The following ZFAT variants were observed in gnomAD, a reference collection of about 807,000 sequenced individuals.
ZFAT encodes zinc finger protein ZFAT.
In ZFAT, 64 loss-of-function variants were observed where a neutral mutation model predicts 117.7. That is an observed-to-expected ratio of 0.54 (90% CI 0.44 to 0.67). ZFAT has a LOEUF of 0.67. ZFAT is among the 30% of genes least tolerant of loss of function. The pLI, the probability that ZFAT is intolerant of heterozygous loss-of-function variation, is 0.00. For synonymous variants in ZFAT, 679 were observed against 615.0 expected (o/e 1.10, Z -1.54); for missense variants, 1,433 against 1,584.5 (o/e 0.90, Z 1.62).
At chr8:134,490,848 T>A (rs1458683151) in intron 15 of ZFAT, among the ~76,000 whole-genome samples, 1 of 152,104 alleles carries the variant, frequency 6.6e-6, no homozygotes, top group African/African-American at 2.4e-5. Context: ...CATCCCTCCC[T>A]CAGAGGGTCT....
intron 13 of ZFAT, among the ~76,000 whole-genome samples, chr8:134,515,177 T>G (rs1820163836): frequency 6.6e-6 from 1 of 152,230 alleles, no homozygotes; most frequent in South Asian, 2.1e-4. Context: ...ATGGTGTATG[T>G]GTACTGAATT....
the ZFAT span, among the ~76,000 whole-genome samples, chr8:134,781,803 AC>A: frequency 1.3e-5 from 2 of 152,136 alleles, no homozygotes; most frequent in Non-Finnish European, 2.9e-5. Flanking sequence ...GAGGATGAAG[AC>A]CTTTATGATG....
chr8:134,633,339 C>T (rs546901726), intron 3 of ZFAT, among the ~76,000 whole-genome samples: 72 of 152,110 alleles, frequency 4.7e-4, no homozygotes, highest in Admixed American at 1.0e-3. Flanking sequence ...AAAAACAGCT[C>T]GTTAAATAAC....
chr8:134,703,233 C>T (rs1483877832), intron 1 of ZFAT, among the ~76,000 whole-genome samples: 1 of 152,172 alleles, frequency 6.6e-6, no homozygotes, highest in East Asian at 1.9e-4. Context: ...TTTTAATTTG[C>T]ATTTTCCTAG....
chr8:134,638,128 C>A (rs1404477734), intron 2 of ZFAT, among the ~76,000 whole-genome samples: 2 of 152,214 alleles, frequency 1.3e-5, no homozygotes, highest in South Asian at 2.1e-4. Flanking sequence ...TTGTCATGCC[C>A]TTAATGAGTT....
chr8:134,804,816 T>G, the ZFAT span: 1 of 517,708 alleles, frequency 1.9e-6, no homozygotes, highest in East Asian at 5.6e-5. Flanking sequence ...ACACATTTTA[T>G]AGCCTCCTCA....
chr8:134,658,270 A>G (rs1481905733), intron 1 of ZFAT, among the ~76,000 whole-genome samples: 1 of 148,648 alleles, frequency 6.7e-6, no homozygotes, highest in African/African-American at 2.5e-5. Context: ...CCGGGAGGTG[A>G]AGCTTGCAGT....
At chr8:134,626,494 C>A (rs189237570) in intron 3 of ZFAT, among the ~76,000 whole-genome samples, 1 of 152,346 alleles carries the variant, frequency 6.6e-6, no homozygotes, top group Non-Finnish European at 1.5e-5. Context: ...GACACAGTGC[C>A]CCACACAGCA....
intron 10 of ZFAT, among the ~76,000 whole-genome samples, chr8:134,581,651 T>C (rs1301544934): frequency 1.3e-5 from 2 of 152,132 alleles, no homozygotes; most frequent in Non-Finnish European, 2.9e-5. Context: ...AGTGGTGCGA[T>C]CTTGGCTCAC....
chr8:134,639,074 T>A (rs1269735322), intron 2 of ZFAT, among the ~76,000 whole-genome samples: 1 of 152,230 alleles, frequency 6.6e-6, no homozygotes, highest in Admixed American at 6.5e-5. Context: ...CCAGCCACTT[T>A]ATCTACTGCT....
intron 1 of ZFAT, among the ~76,000 whole-genome samples, chr8:134,677,973 A>T (rs909689511): frequency 2.0e-5 from 3 of 152,234 alleles, no homozygotes; most frequent in African/African-American, 7.2e-5. Context: ...TATTTATGAC[A>T]AACCCACAGC....
chr8:134,534,036 G>C (rs1345586094), intron 11 of ZFAT, among the ~76,000 whole-genome samples: 4 of 152,196 alleles, frequency 2.6e-5, no homozygotes, highest in African/African-American at 7.2e-5. Context: ...AGCCACAATG[G>C]AAGCAGCACT....
chr8:134,738,147 A>G, the ZFAT span, among the ~76,000 whole-genome samples: 1 of 152,126 alleles, frequency 6.6e-6, no homozygotes, highest in Non-Finnish European at 1.5e-5. Flanking sequence ...GTGTTGATGC[A>G]CATAAAATGA....
intron 1 of ZFAT, among the ~76,000 whole-genome samples, chr8:134,692,837 T>C (rs1001656204): frequency 6.6e-6 from 1 of 152,238 alleles, no homozygotes; most frequent in African/African-American, 2.4e-5. Context: ...GTTTCCTGAT[T>C]CTGAAACTAT....
In ZFAT at chr8:134,687,553, A is replaced by G. The variant is rs545505943; in HGVS notation, c.19+25292T>C. On this transcript the variant is annotated intron_variant, in intron 1 of 15. Coordinates refer to ENST00000377838, the MANE Select transcript of ZFAT (RefSeq NM_020863.4). ...TCAGGAAAGCACCACAAATCATTTTACATAAACAGGAACAGCCCCCCACCC... is the reference window on the plus strand; with the variant it reads ...TCAGGAAAGCACCACAAATCATTTTGCATAAACAGGAACAGCCCCCCACCC... Among the ~76,000 whole-genome samples the G allele has an allele frequency of 2.0e-5, 3 of 152,302 alleles. No individual in the cohort carries two copies. In the South Asian group the frequency reaches 6.2e-4, roughly 32 times the overall value.
intron 1 of ZFAT, among the ~76,000 whole-genome samples, chr8:134,665,415 T>A (rs2131237504): frequency 6.6e-6 from 1 of 152,282 alleles, no homozygotes; most frequent in East Asian, 1.9e-4. Flanking sequence ...CACAGAATGC[T>A]CTGTTACCCC....
the ZFAT span, among the ~76,000 whole-genome samples, chr8:134,809,014 G>A: frequency 5.3e-4 from 81 of 152,290 alleles, 1 homozygote; most frequent in African/African-American, 1.8e-3. Context: ...ACAGGAGCAC[G>A]TCTCTTCTTG....
chr8:134,584,888 C>T (rs528381683), intron 9 of ZFAT, among the ~76,000 whole-genome samples: 1 of 152,292 alleles, frequency 6.6e-6, no homozygotes, highest in African/African-American at 2.4e-5. Context: ...ATCTACACTA[C>T]CTATGACTTT....
chr8:134,502,520 C>T (rs1276682695), intron 15 of ZFAT, among the ~76,000 whole-genome samples: 1 of 152,214 alleles, frequency 6.6e-6, no homozygotes, highest in Non-Finnish European at 1.5e-5. Flanking sequence ...CCAGCAAGAA[C>T]TGCTACTTAA....
Sources: gnomAD v4.1 joint callset for allele counts (sites outside exome capture counted in the v4.1 genomes callset) on GRCh38, gnomAD v4.1.1 for gene constraint, MANE v1.5 for transcripts, NCBI Gene and HGNC (gene_info 2026-07-23, HGNC 2026-07-21) for gene names.